Variants in RNF13 observed in about 807,000 individuals in gnomAD.
RNF13 encodes E3 ubiquitin-protein ligase RNF13.
RNF13 carries 19 observed loss-of-function variants against 37.7 expected under a neutral mutation model. The ratio of observed to expected loss-of-function variants is 0.50; its 90% CI spans 0.35 to 0.74. RNF13 has a LOEUF of 0.74. RNF13 is among the 30% of genes least tolerant of loss of function. The pLI, the probability that RNF13 is intolerant of heterozygous loss-of-function variation, is 0.01. For missense variants in RNF13, 375 were observed against 453.0 expected (o/e 0.83, Z 1.56); for synonymous variants, 144 against 157.8 (o/e 0.91, Z 0.65).
intron 1 of RNF13, among the ~76,000 whole-genome samples, chr3:149,833,020 T>C (rs940701901): frequency 1.3e-5 from 2 of 152,002 alleles, no homozygotes; most frequent in Non-Finnish European, 1.5e-5. Context: ...TCCTAACTTA[T>C]TCTAAGGGGC....
At chr3:149,852,356 A>C (rs943894738) in intron 2 of RNF13, among the ~76,000 whole-genome samples, 160 bp from the exon 3 acceptor site, 3 of 152,148 alleles carry the variant, frequency 2.0e-5, no homozygotes, top group African/African-American at 7.2e-5. Flanking sequence ...TATTCCTTCT[A>C]TTTTAGTGGA....
chr3:149,943,813 T>C (rs1720508038), intron 8 of RNF13, among the ~76,000 whole-genome samples: 1 of 151,984 alleles, frequency 6.6e-6, no homozygotes, highest in Non-Finnish European at 1.5e-5. Context: ...CTTTTGTCTT[T>C]TTTTTTTTAT....
chr3:149,814,933 GTTT>G (rs759720092), intron 1 of RNF13, among the ~76,000 whole-genome samples: 1 of 145,122 alleles, frequency 6.9e-6, no homozygotes. Context: ...TGTTTTATTA[GTTT>G]TTTTTTTTTT....
chr3:149,866,796 A>T (rs1030964744), intron 3 of RNF13, among the ~76,000 whole-genome samples: 1 of 151,978 alleles, frequency 6.6e-6, no homozygotes, highest in African/African-American at 2.4e-5. Context: ...TTATTCACCC[A>T]TTGGTTATTC....
chr3:149,829,895 G>A (rs1289850138), intron 1 of RNF13, among the ~76,000 whole-genome samples: 2 of 152,126 alleles, frequency 1.3e-5, no homozygotes, highest in Non-Finnish European at 2.9e-5. Context: ...TTTCTGTGCT[G>A]TTCTCGTGAT....
chr3:149,872,938 A>G (rs1313005426), intron 4 of RNF13, among the ~76,000 whole-genome samples: 2 of 152,364 alleles, frequency 1.3e-5, no homozygotes, highest in East Asian at 3.9e-4. Context: ...GGATTTGAAA[A>G]TGTATAGTAC....
chr3:149,835,667 T>TGTGTGTGTGTGTTTGTGTG (rs1218091872), intron 1 of RNF13, among the ~76,000 whole-genome samples: 1 of 87,998 alleles, frequency 1.1e-5, no homozygotes, highest in African/African-American at 3.9e-5. Context: ...GTGTGTGTGT[T>TGTGTGTGTGTGTTTGTGTG]TGTGTGTGTG....
intron 4 of RNF13, among the ~76,000 whole-genome samples, chr3:149,889,652 A>G (rs1396126673): frequency 7.0e-6 from 1 of 142,606 alleles, no homozygotes; most frequent in Non-Finnish European, 1.5e-5. Context: ...AAAATCTGAC[A>G]ATTTTTTTTT....
chr3:149,916,086 GT>G (rs59381512), intron 7 of RNF13, among the ~76,000 whole-genome samples: 4,599 of 144,900 alleles, frequency 0.032, 81 homozygotes, highest in South Asian at 0.039. Flanking sequence ...TTCTAAAATA[GT>G]TTTTTTTTTT....
chr3:149,906,702 G>A (rs900522490), intron 6 of RNF13, among the ~76,000 whole-genome samples: 1 of 145,920 alleles, frequency 6.9e-6, no homozygotes, highest in African/African-American at 2.6e-5. Flanking sequence ...AGTTGCGCAG[G>A]CTGGAGTGCA....
At chr3:149,858,162 C>G (rs550293566) in intron 3 of RNF13, among the ~76,000 whole-genome samples, 1 of 152,282 alleles carries the variant, frequency 6.6e-6, no homozygotes, top group East Asian at 1.9e-4. Flanking sequence ...GAGCAGGTGC[C>G]AGTGCCATGC....
rs1384263503 is a variant in RNF13, at chr3:149,961,967, G to A, written c.*863G>A. 2 of 152,632 alleles carry A rather than the reference G, an allele frequency of 1.3e-5. No individual in the cohort carries two copies. The allele number at this position is 152,632 out of a possible 1,614,324, so 9.5% of individuals were successfully genotyped here. A position where few individuals can be genotyped will look rare whatever the true frequency, so the allele number is the denominator to read the frequency against. ...GAAAGTAAGTGACTTATGTTTAACA[G>A]AACTAATGATGTATTGAAACACTGT... On this transcript the variant is annotated 3_prime_UTR_variant, in exon 10 of 10. Transcript: ENST00000392894.
chr3:149,837,260 A>AAAGCAGAG (rs1472670917), intron 1 of RNF13, among the ~76,000 whole-genome samples: 4 of 152,244 alleles, frequency 2.6e-5, no homozygotes, highest in African/African-American at 9.6e-5. Context: ...AACATATAGA[A>AAAGCAGAG]AAGCAGAGAA....
chr3:149,884,817 G>A (rs1178870002), intron 4 of RNF13, among the ~76,000 whole-genome samples: 1 of 150,854 alleles, frequency 6.6e-6, no homozygotes, highest in Non-Finnish European at 1.5e-5. Context: ...TAGTAACCCT[G>A]TTGTGCTATC....
chr3:149,954,915 T>C (rs549978800), intron 8 of RNF13, among the ~76,000 whole-genome samples: 3 of 152,288 alleles, frequency 2.0e-5, no homozygotes, highest in African/African-American at 7.2e-5. Flanking sequence ...ATTAATGTAT[T>C]TCTCCAAGTC....
intron 4 of RNF13, among the ~76,000 whole-genome samples, chr3:149,877,472 C>CTTT (rs369676407): frequency 3.1e-4 from 31 of 101,444 alleles, no homozygotes; most frequent in Non-Finnish European, 4.1e-4. Context: ...TTCTTTCTGT[C>CTTT]TTTTTTTTTT....
intron 1 of RNF13, among the ~76,000 whole-genome samples, chr3:149,823,582 A>G (rs1720202636): frequency 6.6e-6 from 1 of 152,202 alleles, no homozygotes; most frequent in Non-Finnish European, 1.5e-5. Context: ...TTCATTGGAA[A>G]ATTATTTGTA....
At position 149,833,118 on chromosome 3, in the gene RNF13, C is replaced by CTTTT. The variant is rs34729566; in HGVS notation, c.-16-12877_-16-12874dup. Among the ~76,000 whole-genome samples, 399 of 111,874 alleles carry CTTTT rather than the reference C, an allele frequency of 3.6e-3. 12 individuals carry two copies. The highest frequency in any genetic ancestry group is 0.011 in the African/African-American group (329 of 29,540). The allele number at this position is 111,874 out of a possible 152,430, so 73.4% of individuals were successfully genotyped here. ...ATAACTTATCGTTCTCTCTCTCTCT[C>CTTTT]TTTTTTTTTTTTTTTTTTTGAGATG... On this transcript the variant is annotated intron_variant, in intron 1 of 9. Coordinates refer to ENST00000392894, the MANE Select transcript of RNF13 (RefSeq NM_183381.3).
At chr3:149,933,327 A>G (rs1054263849) in intron 8 of RNF13, among the ~76,000 whole-genome samples, 1 of 143,730 alleles carries the variant, frequency 7.0e-6, no homozygotes, top group Non-Finnish European at 1.5e-5. Context: ...ATGCTAATCT[A>G]TCTAGCAAGT....
Sources: gnomAD v4.1 joint callset for allele counts (sites outside exome capture counted in the v4.1 genomes callset) on GRCh38, gnomAD v4.1.1 for gene constraint, MANE v1.5 for transcripts, NCBI Gene and HGNC (gene_info 2026-07-23, HGNC 2026-07-21) for gene names.